Variants in PIBF1 observed in about 807,000 individuals in gnomAD.
PIBF1 encodes the protein progesterone immunomodulatory binding factor 1.
A neutral mutation model predicts 112.5 loss-of-function variants in PIBF1; 90 were observed. That is an observed-to-expected ratio of 0.80 (90% CI 0.67 to 0.95). The LOEUF (loss-of-function observed/expected upper bound fraction) is 0.95, where lower values mean the gene tolerates loss of function less well. PIBF1 is among the 40% of genes least tolerant of loss of function. The pLI, the probability that PIBF1 is intolerant of heterozygous loss-of-function variation, is 0.00. For synonymous variants in PIBF1, 301 were observed against 288.6 expected, an observed-to-expected ratio of 1.04 and a Z score of -0.44; for missense variants, 915 against 852.3, an observed-to-expected ratio of 1.07 and a Z score of -0.92.
At chr13:72,784,061 A>C (rs968231967) in intron 2 of PIBF1, among the ~76,000 whole-genome samples, 3 of 152,096 alleles carry the variant, frequency 2.0e-5, no homozygotes, top group Admixed American at 1.3e-4. Context: ...TTTTTGAAAA[A>C]CACAGCAGAT....
chr13:72,921,774 A>G (rs1323609643), intron 13 of PIBF1, among the ~76,000 whole-genome samples: 2 of 152,070 alleles, frequency 1.3e-5, no homozygotes, highest in Admixed American at 1.3e-4. Context: ...CCTGACATAG[A>G]GTAGATCTTT....
intron 13 of PIBF1, among the ~76,000 whole-genome samples, chr13:72,921,615 G>C (rs2041295225): frequency 2.0e-5 from 3 of 151,974 alleles, no homozygotes; most frequent in Admixed American, 2.0e-4. Flanking sequence ...CATTTTTAAT[G>C]GTTATCCAAA....
At chr13:72,961,906 TTTGTC>T (rs1050123392) in intron 14 of PIBF1, among the ~76,000 whole-genome samples, 28 of 152,220 alleles carry the variant, frequency 1.8e-4, no homozygotes, top group African/African-American at 6.7e-4. Flanking sequence ...GGAGAAAACT[TTTGTC>T]TTGTGTGTTA....
At chr13:72,846,526 A>G (rs2037886943) in intron 9 of PIBF1, among the ~76,000 whole-genome samples, 1 of 152,120 alleles carries the variant, frequency 6.6e-6, no homozygotes, top group Non-Finnish European at 1.5e-5. Flanking sequence ...AACTTAGTAA[A>G]ACTTTAAATG....
intron 9 of PIBF1, among the ~76,000 whole-genome samples, chr13:72,836,965 T>G (rs1594016519): frequency 6.6e-6 from 1 of 152,202 alleles, no homozygotes; most frequent in East Asian, 1.9e-4. Context: ...CAACAGATAC[T>G]TTGTGATTAT....
chr13:72,900,262 C>G (rs944018352), intron 11 of PIBF1, among the ~76,000 whole-genome samples: 3 of 152,064 alleles, frequency 2.0e-5, no homozygotes, highest in African/African-American at 4.8e-5. Flanking sequence ...TTCTAAAATT[C>G]ATGTGGAATC....
chr13:72,987,054 C>A (rs1566520964), intron 16 of PIBF1, among the ~76,000 whole-genome samples: 1 of 152,170 alleles, frequency 6.6e-6, no homozygotes, highest in Non-Finnish European at 1.5e-5. Flanking sequence ...GTCAGTACTT[C>A]TTTCTTTATT....
At chr13:72,882,321 C>T (rs2039675791) in intron 10 of PIBF1, among the ~76,000 whole-genome samples, 1 of 152,090 alleles carries the variant, frequency 6.6e-6, no homozygotes, top group Non-Finnish European at 1.5e-5. Flanking sequence ...AATCTAAGAC[C>T]TCAAACTATA....
intron 15 of PIBF1, among the ~76,000 whole-genome samples, chr13:72,965,776 A>AAAC (rs199515897): frequency 2.0e-5 from 3 of 152,198 alleles, no homozygotes; most frequent in Non-Finnish European, 1.5e-5. Flanking sequence ...ATGGCTTTTT[A>AAAC]AACAACAACA....
chr13:72,969,964 G>A (rs1292767042), intron 15 of PIBF1, among the ~76,000 whole-genome samples: 1 of 151,994 alleles, frequency 6.6e-6, no homozygotes, highest in East Asian at 1.9e-4. Context: ...AACATAAACA[G>A]GAAAATTCCT....
chr13:72,870,825 T>G (rs2039129656), intron 10 of PIBF1, among the ~76,000 whole-genome samples: 1 of 148,340 alleles, frequency 6.7e-6, no homozygotes, highest in African/African-American at 2.5e-5. Context: ...ACAAAAGAAT[T>G]TTCAAAAAAA....
At chr13:72,881,994 CA>C (rs1409876338) in intron 10 of PIBF1, among the ~76,000 whole-genome samples, 1 of 151,816 alleles carries the variant, frequency 6.6e-6, no homozygotes, top group South Asian at 2.1e-4. Context: ...CTATCCTACG[CA>C]AAAAGAGCAA....
chr13:72,788,690 A>T (rs969059986), intron 2 of PIBF1, among the ~76,000 whole-genome samples: 7 of 152,210 alleles, frequency 4.6e-5, no homozygotes, highest in Admixed American at 1.3e-4. Flanking sequence ...CTAACATTGT[A>T]TAGCATGACC....
intron 10 of PIBF1, among the ~76,000 whole-genome samples, chr13:72,854,640 C>T (rs1009500957): frequency 1.3e-5 from 2 of 152,010 alleles, no homozygotes; most frequent in Non-Finnish European, 2.9e-5. Context: ...TGGTGGTTTC[C>T]AGTTTGTTAC....
intron 9 of PIBF1, among the ~76,000 whole-genome samples, chr13:72,852,722 AT>A (rs1273520662): frequency 6.6e-6 from 1 of 152,220 alleles, no homozygotes; most frequent in Non-Finnish European, 1.5e-5. Context: ...TCTATCCAAT[AT>A]TCAATAGATA....
intron 5 of PIBF1, among the ~76,000 whole-genome samples, chr13:72,815,670 T>C (rs1461609445): frequency 2.0e-5 from 3 of 152,302 alleles, no homozygotes; most frequent in Middle Eastern, 3.4e-3. Context: ...TTAATTGTTA[T>C]TGATCTATAT....
rs868754991 is a variant in PIBF1 at position 72,928,036 on chromosome 13, T to C, written c.1731-3129T>C. Among the ~76,000 whole-genome samples the C allele has an allele frequency of 3.7e-3, 508 of 137,780 alleles. 12 individuals carry two copies. The highest frequency in any genetic ancestry group is 0.013 in the African/African-American group (463 of 35,464). The allele number at this position is 137,780 out of a possible 152,430, so 90.4% of individuals were successfully genotyped here. ...ATATACATATATATACATATATATA[T>C]ATATATATACATATATATATGAGGA... On this transcript the variant is annotated intron_variant, in intron 13 of 17. Coordinates refer to ENST00000326291, the MANE Select transcript of PIBF1 (RefSeq NM_006346.4).
At chr13:72,950,591 C>T (rs552378054) in intron 14 of PIBF1, among the ~76,000 whole-genome samples, 9 of 152,146 alleles carry the variant, frequency 5.9e-5, no homozygotes, top group African/African-American at 9.7e-5. Context: ...TGTTCTAGCC[C>T]GTCATGCCAT....
intron 16 of PIBF1, among the ~76,000 whole-genome samples, chr13:72,984,895 T>A (rs2043237828): frequency 6.6e-6 from 1 of 152,180 alleles, no homozygotes; most frequent in African/African-American, 2.4e-5. Context: ...ACCCTTTTAA[T>A]TTTTTATATC....
Sources: allele counts gnomAD v4.1 joint callset (sites outside exome capture counted in the v4.1 genomes callset), GRCh38; gene constraint gnomAD v4.1.1; transcripts MANE v1.5; gene names NCBI Gene and HGNC (gene_info 2026-07-23, HGNC 2026-07-21).